TM4SF18: variants seen among roughly 807,000 people sequenced by gnomAD.
TM4SF18 encodes the protein transmembrane 4 L six family member 18.
A neutral mutation model predicts 23.8 loss-of-function variants in TM4SF18; 22 were observed. The ratio of observed to expected loss-of-function variants is 0.92; its 90% confidence interval spans 0.66 to 1.32. TM4SF18 has a LOEUF of 1.32. TM4SF18 is among the 40% of genes most tolerant of loss of function. The pLI, the probability that TM4SF18 is intolerant of heterozygous loss-of-function variation, is 0.00. For synonymous variants in TM4SF18, 87 were observed against 87.9 expected (o/e 0.99, Z 0.06); for missense variants, 255 against 240.3 (o/e 1.06, Z -0.41).
intron 2 of TM4SF18, among the ~76,000 whole-genome samples, 159 bp from the exon 3 acceptor site, chr3:149,330,578 C>G (rs1477162515): frequency 6.6e-6 from 1 of 152,056 alleles, no homozygotes; most frequent in African/African-American, 2.4e-5. Flanking sequence ...TTTGAGACAC[C>G]TTCTGTATAA....
intron 4 of TM4SF18, among the ~76,000 whole-genome samples, chr3:149,322,726 C>T (rs1730837348): frequency 2.0e-5 from 3 of 151,898 alleles, no homozygotes; most frequent in African/African-American, 7.3e-5. Flanking sequence ...TACTCTTTCC[C>T]CACCTTTATT....
In TM4SF18 at chr3:149,331,147, A is replaced by AT. The variant is rs563381485; in HGVS notation, c.178-729dup. Among the ~76,000 whole-genome samples the AT allele has an allele frequency of 2.6e-5, 4 of 152,090 alleles. No individual in the cohort carries two copies. In the East Asian group the frequency reaches 7.7e-4, roughly 29 times the overall value. ...ATTGCTTATGGGAAATTCTCCACCCATTTTTTTACTCTCACTATTTAGGAC... is the reference window on the plus strand; with the variant it reads ...ATTGCTTATGGGAAATTCTCCACCCATTTTTTTTACTCTCACTATTTAGGAC... On this transcript the variant is annotated intron_variant, in intron 2 of 5. Coordinates refer to ENST00000296059, the MANE Select transcript of TM4SF18 (RefSeq NM_138786.4).
Position 149,322,419 on chromosome 3 carries a change from C to T in TM4SF18, c.428G>A (p.Ser143Asn), listed in dbSNP as rs1326473025. Residue 143 changes from serine to asparagine, a missense_variant, in exon 5 of 6, where the codon AGC (serine) becomes AAC (asparagine). Ser to Asn is a conservative substitution (Grantham distance 46). Transcript: ENST00000296059. ...GTAGRFLTDS[S>N]IWIQCLEPAH... ...AGGTTCCAGGCACTGAATCCATATG[C>T]TAGAATCTGTAAGGAAACTGAGAGA... 4 of 1,613,418 alleles carry T rather than the reference C, an allele frequency of 2.5e-6. No homozygotes were observed. The highest frequency in any genetic ancestry group is 1.3e-5 in the African/African-American group (1 of 74,990).
Position 149,320,913 on chromosome 3 carries a change from G to C in TM4SF18, c.*565C>G, listed in dbSNP as rs1307126619. On this transcript the variant is annotated 3_prime_UTR_variant, in exon 6 of 6. Coordinates refer to ENST00000296059, the MANE Select transcript of TM4SF18 (RefSeq NM_138786.4). ...TTTTCATCCTAAACTTTGACTATTA[G>C]TGTTTCATTTGCTTTAAATAGTTAT... 1 of 152,008 alleles carries C rather than the reference G, an allele frequency of 6.6e-6. No homozygotes were observed. The highest frequency in any genetic ancestry group is 1.5e-5 in the Non-Finnish European group (1 of 67,980). The allele number at this position is 152,008 out of a possible 1,614,324, so 9.4% of individuals were successfully genotyped here.
rs548040339 is a variant in TM4SF18 at position 149,321,417 on chromosome 3, A to T, written c.*61T>A. The T allele has an allele frequency of 7.8e-7, 1 of 1,285,900 alleles. No individual in the cohort carries two copies. The highest frequency in any genetic ancestry group is 1.1e-6 in the Non-Finnish European group (1 of 921,446). The allele number at this position is 1,285,900 out of a possible 1,614,324, so 79.7% of individuals were successfully genotyped here. The stretch of plus-strand genomic sequence containing the variant: ...TTCAATATTGCCCTCAAGTCTACAC[A>T]GTTGATATAATATTTAGATAGATGG... On this transcript the variant is annotated 3_prime_UTR_variant, in exon 6 of 6. Coordinates refer to ENST00000296059, the MANE Select transcript of TM4SF18 (RefSeq NM_138786.4).
rs1262409567 is a variant in TM4SF18 at position 149,330,238 on chromosome 3, G to A, written c.267+92C>T. 4 of 759,724 alleles carry A rather than the reference G, an allele frequency of 5.3e-6. No individual in the cohort carries two copies. The Admixed American group carries it at 6.8e-5, about 13-fold the overall frequency. 47.1% of individuals were successfully genotyped at this position (759,724 alleles called of 1,614,324 possible). On this transcript the variant is annotated intron_variant, in intron 3 of 5. Coordinates refer to ENST00000296059, the MANE Select transcript of TM4SF18 (RefSeq NM_138786.4). The stretch of plus-strand genomic sequence containing the variant: ...CTGTACTGTACTCAACAGTAGTGAG[G>A]GTATAATACTGTCAATATTTTTGTG...
chr3:149,328,656 C>A (rs1429298105), intron 3 of TM4SF18, among the ~76,000 whole-genome samples: 1 of 152,070 alleles, frequency 6.6e-6, no homozygotes, highest in African/African-American at 2.4e-5. Flanking sequence ...AGAATTATTG[C>A]CCTACTTGAT....
At chr3:149,323,933 A>C (rs1222633062) in intron 4 of TM4SF18, among the ~76,000 whole-genome samples, 2 of 152,186 alleles carry the variant, frequency 1.3e-5, no homozygotes, top group African/African-American at 4.8e-5. Flanking sequence ...GGCACCATGT[A>C]AAAATCTTCA....
At chr3:149,326,613 C>T (rs1730953259) in intron 3 of TM4SF18, among the ~76,000 whole-genome samples, 1 of 152,218 alleles carries the variant, frequency 6.6e-6, no homozygotes, top group Non-Finnish European at 1.5e-5. Flanking sequence ...GTGCTGCTTT[C>T]ATAATGCTAT....
At chr3:149,328,601 A>C (rs1451900424) in intron 3 of TM4SF18, among the ~76,000 whole-genome samples, 1 of 152,222 alleles carries the variant, frequency 6.6e-6, no homozygotes, top group Non-Finnish European at 1.5e-5. Context: ...TACAATTGAA[A>C]AGTTTTACAT....
intron 3 of TM4SF18, among the ~76,000 whole-genome samples, chr3:149,326,547 G>A (rs138238162): frequency 3.9e-4 from 60 of 152,308 alleles, no homozygotes; most frequent in African/African-American, 1.3e-3. Flanking sequence ...GATGGATTTA[G>A]CATCCACTGA....
Position 149,318,753 on chromosome 3 carries a change from T to C in TM4SF18, c.*2725A>G, listed in dbSNP as rs905027314. On this transcript the variant is annotated 3_prime_UTR_variant, in exon 6 of 6. Coordinates refer to ENST00000296059, the MANE Select transcript of TM4SF18 (RefSeq NM_138786.4). ...CCAATATTAGGCATTTTCAGGGTGT[T>C]GTGACCACAGATGATGTAACTATTA... is the stretch of plus-strand genomic sequence containing the variant. 2.0e-5 allele frequency: 3 copies of C among 152,218 alleles called. No individual in the cohort carries two copies. The highest frequency in any genetic ancestry group is 2.0e-4 in the Admixed American group (3 of 15,282). The allele number at this position is 152,218 out of a possible 1,614,324, so 9.4% of individuals were successfully genotyped here.
In TM4SF18 at chr3:149,321,379, A is replaced by C; in HGVS notation, c.*99T>G. 1.1e-6 allele frequency: 1 copy of C among 890,192 alleles called. No individual in the cohort carries two copies. Among genetic ancestry groups the C allele is most frequent in the Non-Finnish European group, 1.6e-6 (1 of 606,576 alleles). 55.1% of individuals were successfully genotyped at this position (890,192 alleles called of 1,614,324 possible). A position where few individuals can be genotyped will look rare whatever the true frequency, so the allele number is the denominator to read the frequency against. ...TTTTACAAATAAACACCAAATGCAG[A>C]AAGCACCATCATTTCAATATTGCCC... On this transcript the variant is annotated 3_prime_UTR_variant, in exon 6 of 6. Transcript: ENST00000296059.
rs887331235 is a variant in TM4SF18 at position 149,325,006 on chromosome 3, A to G, written c.284T>C (p.Ile95Thr). 6.2e-7 allele frequency: 1 copy of G among 1,614,006 alleles called. No homozygotes were observed. Among genetic ancestry groups the G allele is most frequent in the Non-Finnish European group, 8.5e-7 (1 of 1,179,930 alleles). Residue 95 changes from isoleucine (I) to threonine (T), a missense_variant, in exon 4 of 6, where the codon ATC becomes ACC. Coordinates refer to ENST00000296059, the MANE Select transcript of TM4SF18 (RefSeq NM_138786.4). ...AAAAGCAATTCCGAGGGAAGAAAAG[A>G]TAATTGACAGCAGTGTCTAAATTAA... ...SKKYVTLLSI[I>T]FSSLGIAFSG... is the part of the protein sequence containing the mutation.
chr3:149,328,395 C>A (rs948861935), intron 3 of TM4SF18, among the ~76,000 whole-genome samples: 1 of 152,106 alleles, frequency 6.6e-6, no homozygotes, highest in Non-Finnish European at 1.5e-5. Context: ...CAAAAACATC[C>A]CACCTCTTAA....
chr3:149,322,529 T>C (rs1730832632), intron 4 of TM4SF18, 93 bp from the exon 5 acceptor site: 1 of 1,015,996 alleles, frequency 9.8e-7, no homozygotes, highest in South Asian at 1.7e-5. Flanking sequence ...ATAACTAAAA[T>C]ATATAGTTAT....
Position 149,321,305 on chromosome 3 carries a change from A to G in TM4SF18, c.*173T>C, listed in dbSNP as rs907534957. Reference sequence around the variant, plus strand: ...CTGATGCATATTACTTAAAAAACATACTAAATGGAAGGGTGGTATACTTGC... The same window carrying G: ...CTGATGCATATTACTTAAAAAACATGCTAAATGGAAGGGTGGTATACTTGC... On this transcript the variant is annotated 3_prime_UTR_variant, in exon 6 of 6. Coordinates refer to ENST00000296059, the MANE Select transcript of TM4SF18 (RefSeq NM_138786.4). The G allele has an allele frequency of 6.8e-6, 3 of 443,116 alleles. No individual in the cohort carries two copies. The highest frequency in any genetic ancestry group is 6.8e-5 in the East Asian group (2 of 29,252). 27.4% of individuals were successfully genotyped at this position (443,116 alleles called of 1,614,324 possible). A position where few individuals can be genotyped will look rare whatever the true frequency, so the allele number is the denominator to read the frequency against.
chr3:149,322,720 C>G (rs891852517), intron 4 of TM4SF18, among the ~76,000 whole-genome samples: 3 of 151,906 alleles, frequency 2.0e-5, no homozygotes, highest in African/African-American at 7.3e-5. Context: ...CTTTTTTACT[C>G]TTTCCCCACC....
intron 2 of TM4SF18, among the ~76,000 whole-genome samples, chr3:149,332,534 T>A (rs1261559830): frequency 1.3e-5 from 2 of 152,230 alleles, no homozygotes; most frequent in Non-Finnish European, 2.9e-5. Flanking sequence ...ACTCCCTCCA[T>A]TATTAGGGTC....
Sources: gnomAD v4.1 joint callset for allele counts (sites outside exome capture counted in the v4.1 genomes callset) on GRCh38, gnomAD v4.1.1 for gene constraint, MANE v1.5 for transcripts, NCBI Gene and HGNC (gene_info 2026-07-23, HGNC 2026-07-21) for gene names.